Variants in SHISA9 observed in about 807,000 individuals in gnomAD.
SHISA9 encodes shisa family member 9.
In SHISA9, 13 loss-of-function variants were observed where a neutral mutation model predicts 38.0. The ratio of observed to expected loss-of-function variants is 0.34; its 90% CI spans 0.22 to 0.54. The LOEUF (loss-of-function observed/expected upper bound fraction) is 0.54. SHISA9 is among the 20% of genes least tolerant of loss of function. SHISA9 has a pLI of 0.91. For synonymous variants in SHISA9, 275 were observed against 242.0 expected, an observed-to-expected ratio of 1.14 and a Z score of -1.27; for missense variants, 538 against 575.8, an observed-to-expected ratio of 0.93 and a Z score of 0.67.
intron 2 of SHISA9, among the ~76,000 whole-genome samples, chr16:13,054,516 T>C (rs2073288327): frequency 6.6e-6 from 1 of 152,268 alleles, no homozygotes; most frequent in African/African-American, 2.4e-5. Flanking sequence ...GAAATTCTTA[T>C]TGGTGAATCA....
At chr16:13,416,659 C>T in the SHISA9 span, among the ~76,000 whole-genome samples, 4 of 151,392 alleles carry the variant, frequency 2.6e-5, no homozygotes, top group Non-Finnish European at 5.9e-5. Context: ...CTGCACTGAG[C>T]GATGGTAACA....
chr16:13,030,503 T>C (rs2072977988), intron 2 of SHISA9, among the ~76,000 whole-genome samples: 1 of 152,184 alleles, frequency 6.6e-6, no homozygotes, highest in African/African-American at 2.4e-5. Context: ...CCTGTCTAAC[T>C]TCCCCGTTCC....
At chr16:13,340,476 A>G in the SHISA9 span, among the ~76,000 whole-genome samples, 6 of 152,290 alleles carry the variant, frequency 3.9e-5, no homozygotes, top group Admixed American at 2.6e-4. Flanking sequence ...TGTTCCTGCC[A>G]TGTGACCTCA....
intron 2 of SHISA9, among the ~76,000 whole-genome samples, chr16:12,954,960 C>T (rs2071808961): frequency 6.6e-6 from 1 of 152,066 alleles, no homozygotes; most frequent in South Asian, 2.1e-4. Context: ...ATGGACAGTT[C>T]CACACAATAT....
chr16:13,281,899 C>G, the SHISA9 span, among the ~76,000 whole-genome samples: 1 of 151,582 alleles, frequency 6.6e-6, no homozygotes, highest in Non-Finnish European at 1.5e-5. Context: ...TACCCAGCAC[C>G]CTTATGATGC....
the SHISA9 span, among the ~76,000 whole-genome samples, chr16:13,414,611 TGTTC>T: frequency 6.6e-6 from 1 of 151,328 alleles, no homozygotes; most frequent in Non-Finnish European, 1.5e-5. Flanking sequence ...TTAATTACCA[TGTTC>T]GTTCGTTCTT....
At chr16:12,978,062 A>T (rs571063388) in intron 2 of SHISA9, among the ~76,000 whole-genome samples, 1 of 152,192 alleles carries the variant, frequency 6.6e-6, no homozygotes, top group Non-Finnish European at 1.5e-5. Flanking sequence ...ATTTTTGCAG[A>T]GGGACTAGTT....
At chr16:13,264,555 G>A in the SHISA9 span, among the ~76,000 whole-genome samples, 1,760 of 152,202 alleles carry the variant, frequency 0.012, 36 homozygotes, top group African/African-American at 0.04. Flanking sequence ...CCGGTGTACA[G>A]TTAAACATTT....
intron 2 of SHISA9, among the ~76,000 whole-genome samples, chr16:13,193,148 G>T (rs1206069836): frequency 6.6e-6 from 1 of 152,138 alleles, no homozygotes; most frequent in Non-Finnish European, 1.5e-5. Context: ...CATTCTGGGG[G>T]CAGCCTAGCT....
chr16:13,027,953 AAG>A (rs1436258618), intron 2 of SHISA9, among the ~76,000 whole-genome samples: 2 of 151,038 alleles, frequency 1.3e-5, no homozygotes, highest in African/African-American at 2.4e-5. Context: ...AAAAAAAAAA[AAG>A]AATGTATACT....
chr16:13,395,713 C>T, the SHISA9 span, among the ~76,000 whole-genome samples: 1,768 of 152,322 alleles, frequency 0.012, 13 homozygotes, highest in Non-Finnish European at 0.019. Context: ...CCTCCAGAAC[C>T]TAAGACAGTT....
chr16:13,551,026 G>A, the SHISA9 span, among the ~76,000 whole-genome samples: 1 of 151,980 alleles, frequency 6.6e-6, no homozygotes, highest in African/African-American at 2.4e-5. Flanking sequence ...GGGAGGCTGA[G>A]GCAAGGAGAA....
chr16:13,353,110 C>T, the SHISA9 span, among the ~76,000 whole-genome samples: 5 of 151,944 alleles, frequency 3.3e-5, no homozygotes, highest in Admixed American at 1.3e-4. Flanking sequence ...AGAGAATGGA[C>T]GATGTTTCTC....
chr16:12,997,652 C>T (rs952956862), intron 2 of SHISA9, among the ~76,000 whole-genome samples: 1 of 152,004 alleles, frequency 6.6e-6, no homozygotes, highest in Admixed American at 6.6e-5. Flanking sequence ...GTGATCTGCC[C>T]ACCTCAGCCT....
At chr16:13,248,044 A>G in the SHISA9 span, among the ~76,000 whole-genome samples, 1 of 152,224 alleles carries the variant, frequency 6.6e-6, no homozygotes, top group African/African-American at 2.4e-5. Context: ...AGCTGAATGT[A>G]CTGGAATTCT....
intron 2 of SHISA9, among the ~76,000 whole-genome samples, chr16:13,052,286 T>A (rs2073261472): frequency 6.6e-6 from 1 of 152,192 alleles, no homozygotes; most frequent in African/African-American, 2.4e-5. Context: ...CCCCCCTCCT[T>A]TCTGAATATG....
Position 13,238,159 on chromosome 16 carries a change from A to G in SHISA9, c.*2750A>G, listed in dbSNP as rs2051403447. The G allele has an allele frequency of 6.6e-6, 1 of 152,074 alleles. No individual in the cohort carries two copies. The highest frequency in any genetic ancestry group is 6.5e-5 in the Admixed American group (1 of 15,268). 9.4% of individuals were successfully genotyped at this position (152,074 alleles called of 1,614,324 possible). On this transcript the variant is annotated 3_prime_UTR_variant, in exon 5 of 5. Coordinates refer to ENST00000558583, the MANE Select transcript of SHISA9 (RefSeq NM_001145204.3). ...TTTCTGTTTCTCTCTCTCTCTTAAAATGATATCATCAGGTATTAAATAATT... is the reference window on the plus strand; with the variant it reads ...TTTCTGTTTCTCTCTCTCTCTTAAAGTGATATCATCAGGTATTAAATAATT...
the SHISA9 span, among the ~76,000 whole-genome samples, chr16:13,422,708 CA>C: frequency 5.0e-5 from 7 of 139,828 alleles, 1 homozygote; most frequent in African/African-American, 1.0e-4. Context: ...AACAAACAAA[CA>C]AAAACAAAGA....
intron 2 of SHISA9, among the ~76,000 whole-genome samples, chr16:13,118,019 T>C (rs1291453192): frequency 6.6e-6 from 1 of 151,882 alleles, no homozygotes; most frequent in Non-Finnish European, 1.5e-5. Flanking sequence ...CCATCTCTAC[T>C]AAAAATACAA....
Sources: allele counts gnomAD v4.1 joint callset (sites outside exome capture counted in the v4.1 genomes callset), GRCh38; gene constraint gnomAD v4.1.1; transcripts MANE v1.5; gene names NCBI Gene and HGNC (gene_info 2026-07-23, HGNC 2026-07-21).